PRKAG2: variants seen among roughly 807,000 people sequenced by gnomAD.
The protein encoded by PRKAG2 is 5'-AMP-activated protein kinase subunit gamma-2.
In PRKAG2, 26 loss-of-function variants were observed where a neutral mutation model predicts 69.6. That is an observed-to-expected ratio of 0.37 (90% CI 0.27 to 0.52). The LOEUF is 0.52. Ranked by LOEUF, PRKAG2 falls within the 20% of genes least tolerant of loss-of-function variation. PRKAG2 has a pLI of 0.90. For synonymous variants in PRKAG2, 293 were observed against 285.0 expected, an observed-to-expected ratio of 1.03 and a Z score of -0.28; for missense variants, 557 against 740.0, an observed-to-expected ratio of 0.75 and a Z score of 2.87.
chr7:151,827,761 A>AACAAAC (rs1025127556), intron 1 of PRKAG2, among the ~76,000 whole-genome samples: 29 of 149,594 alleles, frequency 1.9e-4, no homozygotes, highest in Non-Finnish European at 3.6e-4. Flanking sequence ...AAAAAAAAAA[A>AACAAAC]AAAAAAAAAA....
chr7:151,873,158 T>C (rs1046480815), intron 1 of PRKAG2, among the ~76,000 whole-genome samples: 1 of 152,246 alleles, frequency 6.6e-6, no homozygotes, highest in African/African-American at 2.4e-5. Flanking sequence ...CCTATGACTC[T>C]AGCTCTCAAA....
chr7:151,735,311 C>A (rs1195478355), intron 3 of PRKAG2, among the ~76,000 whole-genome samples: 1 of 152,118 alleles, frequency 6.6e-6, no homozygotes, highest in Non-Finnish European at 1.5e-5. Context: ...AATACTGAAC[C>A]ACAGATGCTT....
chr7:151,829,642 A>G (rs542130278), intron 1 of PRKAG2, among the ~76,000 whole-genome samples: 2 of 152,212 alleles, frequency 1.3e-5, no homozygotes, highest in East Asian at 3.8e-4. Flanking sequence ...TAACTGATGA[A>G]TGAATAAACA....
intron 3 of PRKAG2, among the ~76,000 whole-genome samples, chr7:151,758,926 T>C (rs2075257000): frequency 6.6e-6 from 1 of 152,184 alleles, no homozygotes; most frequent in Admixed American, 6.5e-5. Flanking sequence ...ACCATGCTAA[T>C]GTATCTCCAG....
At chr7:151,604,527 T>C (rs552788803) in intron 5 of PRKAG2, among the ~76,000 whole-genome samples, 1 of 152,108 alleles carries the variant, frequency 6.6e-6, no homozygotes, top group Admixed American at 6.5e-5. Context: ...GGCCCCAGCC[T>C]ACTCAGGAGG....
At chr7:151,822,909 A>G (rs2151866479) in intron 1 of PRKAG2, among the ~76,000 whole-genome samples, 1 of 152,350 alleles carries the variant, frequency 6.6e-6, no homozygotes, top group South Asian at 2.1e-4. Context: ...GAAACAAACA[A>G]GAAAACAACC....
At chr7:151,800,468 A>C (rs56361293) in intron 1 of PRKAG2, among the ~76,000 whole-genome samples, 25,507 of 152,094 alleles carry the variant, frequency 0.17, 2,480 homozygotes, top group Non-Finnish European at 0.23. Context: ...GCCTTCCCAA[A>C]ACAAATTCTG....
chr7:151,876,016 A>G (rs1487277000), intron 1 of PRKAG2, among the ~76,000 whole-genome samples: 1 of 150,570 alleles, frequency 6.6e-6, no homozygotes, highest in Non-Finnish European at 1.5e-5. Flanking sequence ...TGGAAGACGC[A>G]GCTACACAGC....
At chr7:151,615,179 C>G (rs1057500922) in intron 5 of PRKAG2, among the ~76,000 whole-genome samples, 1 of 152,220 alleles carries the variant, frequency 6.6e-6, no homozygotes, top group Non-Finnish European at 1.5e-5. Flanking sequence ...CTTCCAGCTC[C>G]ACCCATGTTC....
intron 5 of PRKAG2, among the ~76,000 whole-genome samples, chr7:151,610,228 G>T (rs1446205911): frequency 6.6e-6 from 1 of 152,072 alleles, no homozygotes; most frequent in African/African-American, 2.4e-5. Context: ...AATTATCCGG[G>T]CATGGTGGCG....
chr7:151,770,612 A>G (rs183688235), intron 3 of PRKAG2, among the ~76,000 whole-genome samples: 1 of 152,316 alleles, frequency 6.6e-6, no homozygotes, highest in African/African-American at 2.4e-5. Flanking sequence ...TCATTCTTCA[A>G]CTGACACTTT....
intron 1 of PRKAG2, among the ~76,000 whole-genome samples, chr7:151,813,464 C>T (rs1039224626): frequency 2.3e-4 from 35 of 150,328 alleles, no homozygotes; most frequent in Non-Finnish European, 1.9e-4. Flanking sequence ...AGACAGACAG[C>T]CTCTGGCTTA....
chr7:151,623,673 T>C (rs962081349), intron 5 of PRKAG2, among the ~76,000 whole-genome samples: 9 of 152,122 alleles, frequency 5.9e-5, no homozygotes, highest in Admixed American at 3.3e-4. Flanking sequence ...AAGTTACATA[T>C]GAAGAAACCA....
intron 3 of PRKAG2, among the ~76,000 whole-genome samples, chr7:151,757,768 C>T (rs1027235607): frequency 2.6e-5 from 4 of 152,188 alleles, no homozygotes; most frequent in African/African-American, 9.7e-5. Context: ...ACCACTGCCC[C>T]CGCCACCCCA....
At chr7:151,592,441 C>G (rs908314679) in intron 6 of PRKAG2, among the ~76,000 whole-genome samples, 1 of 152,126 alleles carries the variant, frequency 6.6e-6, no homozygotes, top group African/African-American at 2.4e-5. Flanking sequence ...CTCAAGAGAC[C>G]GAAGATGGAA....
intron 14 of PRKAG2, 141 bp from the exon 15 acceptor site, chr7:151,560,758 A>T: frequency 8.6e-7 from 1 of 1,166,494 alleles, no homozygotes; most frequent in Non-Finnish European, 1.2e-6. Context: ...CATCATCTCT[A>T]CAAAAACATT....
At chr7:151,597,635 A>G (rs953090375) in intron 5 of PRKAG2, among the ~76,000 whole-genome samples, 1 of 152,230 alleles carries the variant, frequency 6.6e-6, no homozygotes, top group African/African-American at 2.4e-5. Flanking sequence ...CTGAATACAC[A>G]TTTCTCAAAG....
intron 3 of PRKAG2, 89 bp from the exon 4 acceptor site, chr7:151,675,726 G>T: frequency 7.8e-7 from 1 of 1,288,954 alleles, no homozygotes; most frequent in Non-Finnish European, 1.1e-6. Context: ...CAGGAAGGGA[G>T]ATGGGGAGAG....
intron 15 of PRKAG2, chr7:151,558,313 T>C (rs1366615763): frequency 3.0e-6 from 3 of 985,356 alleles, no homozygotes; most frequent in East Asian, 1.1e-4. Flanking sequence ...TTCATCAAAC[T>C]GCCTCTTACT....
Sources: allele counts gnomAD v4.1 joint callset (sites outside exome capture counted in the v4.1 genomes callset), GRCh38; gene constraint gnomAD v4.1.1; transcripts MANE v1.5; gene names NCBI Gene and HGNC (gene_info 2026-07-23, HGNC 2026-07-21).